PPP2R5E: variants seen among roughly 807,000 people sequenced by gnomAD.
PPP2R5E encodes the protein serine/threonine-protein phosphatase 2A 56 kDa regulatory subunit epsilon isoform.
A neutral mutation model predicts 65.3 loss-of-function variants in PPP2R5E; 4 were observed. The observed-to-expected ratio is 0.06, with a 90% CI of 0.03 to 0.14. PPP2R5E has a LOEUF of 0.14. Ranked by LOEUF, PPP2R5E falls within the 10% of genes least tolerant of loss-of-function variation. PPP2R5E has a pLI of 1.00. For synonymous variants in PPP2R5E, 183 were observed against 187.4 expected (o/e 0.98, Z 0.19); for missense variants, 274 against 556.1 (o/e 0.49, Z 5.10).
At chr14:63,424,467 G>C (rs1457715798) in intron 3 of PPP2R5E, among the ~76,000 whole-genome samples, 1 of 151,982 alleles carries the variant, frequency 6.6e-6, no homozygotes, top group Non-Finnish European at 1.5e-5. Context: ...AAGAGAAAGG[G>C]TCGGCCGGGC....
intron 1 of PPP2R5E, among the ~76,000 whole-genome samples, chr14:63,540,455 G>A (rs537541676): frequency 5.8e-5 from 8 of 137,060 alleles, no homozygotes; most frequent in Non-Finnish European, 1.1e-4. Context: ...AAAAAGCCAG[G>A]CACAGTGGCA....
chr14:63,412,239 G>A (rs1886430782), intron 5 of PPP2R5E, among the ~76,000 whole-genome samples: 1 of 152,194 alleles, frequency 6.6e-6, no homozygotes, highest in Non-Finnish European at 1.5e-5. Flanking sequence ...GATCACTTGA[G>A]CCCAATCTGG....
At chr14:63,427,389 G>A (rs1887397159) in intron 3 of PPP2R5E, among the ~76,000 whole-genome samples, 1 of 152,016 alleles carries the variant, frequency 6.6e-6, no homozygotes, top group Non-Finnish European at 1.5e-5. Context: ...AACTACACTG[G>A]TGTCAGTGCA....
chr14:63,404,536 G>A (rs544672446), intron 5 of PPP2R5E, among the ~76,000 whole-genome samples: 3 of 152,290 alleles, frequency 2.0e-5, no homozygotes, highest in Non-Finnish European at 1.5e-5. Flanking sequence ...CGACTCAAGG[G>A]ATGCACTGTA....
chr14:63,414,811 G>T (rs772058797), intron 5 of PPP2R5E, among the ~76,000 whole-genome samples: 1 of 152,248 alleles, frequency 6.6e-6, no homozygotes, highest in South Asian at 2.1e-4. Context: ...TTACGCAAAT[G>T]TAAGTCTTTA....
chr14:63,452,827 C>T (rs1888917349), intron 3 of PPP2R5E: 1 of 152,164 alleles, frequency 6.6e-6, no homozygotes, highest in African/African-American at 2.4e-5. Flanking sequence ...AATACAAAAG[C>T]CAGGCAGATG....
At chr14:63,491,604 T>C (rs1335081207) in intron 2 of PPP2R5E, among the ~76,000 whole-genome samples, 1 of 152,150 alleles carries the variant, frequency 6.6e-6, no homozygotes, top group Non-Finnish European at 1.5e-5. Context: ...TGGCAACACT[T>C]TGGGAGGCCA....
intron 3 of PPP2R5E, among the ~76,000 whole-genome samples, chr14:63,433,027 GTTTTGTTTTTTTTT>G (rs1887761255): frequency 8.8e-6 from 1 of 114,042 alleles, no homozygotes; most frequent in African/African-American, 3.5e-5. Flanking sequence ...TTTTTGTTTT[GTTTTGTTTTTTTTT>G]TTTTTTTTTT....
At chr14:63,527,692 T>C (rs1893235174) in intron 2 of PPP2R5E, among the ~76,000 whole-genome samples, 2 of 151,992 alleles carry the variant, frequency 1.3e-5, no homozygotes, top group Admixed American at 6.6e-5. Context: ...TCCCAGCACT[T>C]TGAGAGGCCA....
At position 63,371,806 on chromosome 14, in the gene PPP2R5E, C is replaced by G. The variant is rs1883703943; in HGVS notation, c.*4203G>C. 2 of 152,070 alleles carry G rather than the reference C, an allele frequency of 1.3e-5. No homozygotes were observed. Among genetic ancestry groups the G allele is most frequent in the African/African-American group, 4.8e-5 (2 of 41,428 alleles). The allele number at this position is 152,070 out of a possible 1,614,324, so 9.4% of individuals were successfully genotyped here. ...CAGCATTACTAACAGGGAAAATGAA[C>G]TTTTGCTGCCCTCTCCTGCTAAAAC... On this transcript the variant is annotated 3_prime_UTR_variant, in exon 14 of 14. Coordinates refer to ENST00000337537, the MANE Select transcript of PPP2R5E (RefSeq NM_006246.5).
At chr14:63,538,756 C>A (rs181969609) in intron 2 of PPP2R5E, among the ~76,000 whole-genome samples, 114 of 151,768 alleles carry the variant, frequency 7.5e-4, no homozygotes, top group African/African-American at 2.6e-3. Flanking sequence ...ACCAGCCTGA[C>A]CAACATGGTG....
chr14:63,449,601 G>A (rs1355810173), intron 3 of PPP2R5E, among the ~76,000 whole-genome samples: 5 of 152,080 alleles, frequency 3.3e-5, no homozygotes, highest in Non-Finnish European at 5.9e-5. Context: ...GTAAGCACAC[G>A]TTCTATGGAC....
intron 2 of PPP2R5E, among the ~76,000 whole-genome samples, chr14:63,482,664 G>A (rs1890773226): frequency 6.6e-6 from 1 of 152,092 alleles, no homozygotes; most frequent in African/African-American, 2.4e-5. Context: ...AATAAATACA[G>A]TAAACCAGAC....
At chr14:63,383,654 A>AT (rs1165309604) in intron 12 of PPP2R5E, among the ~76,000 whole-genome samples, 1 of 152,274 alleles carries the variant, frequency 6.6e-6, no homozygotes, top group East Asian at 1.9e-4. Context: ...AGATAAACAT[A>AT]TTATGAATAT....
At chr14:63,484,020 G>A (rs1890846831) in intron 2 of PPP2R5E, among the ~76,000 whole-genome samples, 1 of 150,782 alleles carries the variant, frequency 6.6e-6, no homozygotes, top group African/African-American at 2.4e-5. Context: ...TGAGGCGGAG[G>A]TTGCAGTAAG....
intron 4 of PPP2R5E, among the ~76,000 whole-genome samples, chr14:63,418,354 C>T (rs1366231331): frequency 6.6e-6 from 1 of 152,226 alleles, no homozygotes; most frequent in Non-Finnish European, 1.5e-5. Context: ...GTGCTCTCTC[C>T]TCTCTGGTCA....
intron 7 of PPP2R5E, 89 bp downstream of exon 7, chr14:63,395,137 G>A (rs929551556): frequency 2.8e-6 from 3 of 1,067,336 alleles, no homozygotes; most frequent in East Asian, 4.7e-5. Flanking sequence ...TACAGCAAGA[G>A]AACTAGGTGA....
At chr14:63,419,944 G>A (rs74060082) in intron 4 of PPP2R5E, among the ~76,000 whole-genome samples, 2,371 of 152,306 alleles carry the variant, frequency 0.016, 60 homozygotes, top group African/African-American at 0.054. Flanking sequence ...TAATGACAGT[G>A]TAAGCTAGAG....
rs1221846228 is a variant in PPP2R5E at position 63,374,634 on chromosome 14, GATATATATATATATATATATA to G, written c.*1354_*1374del. 1 of 109,598 alleles carries G rather than the reference GATATATATATATATATATATA, an allele frequency of 9.1e-6. No homozygotes were observed. The highest frequency in any genetic ancestry group is 2.8e-4 in the East Asian group (1 of 3,536). The allele number at this position is 109,598 out of a possible 1,614,324, so 6.8% of individuals were successfully genotyped here. On this transcript the variant is annotated 3_prime_UTR_variant, in exon 14 of 14. Coordinates refer to ENST00000337537, the MANE Select transcript of PPP2R5E (RefSeq NM_006246.5). The stretch of plus-strand genomic sequence containing the variant: ...TAAATACAAAGCAGAGAGCCAATAA[GATATATATATATATATATATA>G]TATATATATATATAAAATACAGCCC...
Sources: gnomAD v4.1 joint callset for allele counts (sites outside exome capture counted in the v4.1 genomes callset) on GRCh38, gnomAD v4.1.1 for gene constraint, MANE v1.5 for transcripts, NCBI Gene and HGNC (gene_info 2026-07-23, HGNC 2026-07-21) for gene names.